GRM3: variants seen among roughly 807,000 people sequenced by gnomAD.
GRM3 encodes the protein glutamate metabotropic receptor 3.
GRM3 carries 26 observed loss-of-function variants against 70.5 expected under a neutral mutation model. The observed-to-expected ratio is 0.37, with a 90% confidence interval of 0.27 to 0.51. GRM3 has a LOEUF of 0.51. Among genes scored for constraint, GRM3 ranks in the 20% least tolerant of loss-of-function variants. The pLI is 0.93. For synonymous variants in GRM3, 443 were observed against 434.9 expected, an observed-to-expected ratio of 1.02 and a Z score of -0.23; for missense variants, 859 against 1,123.8, an observed-to-expected ratio of 0.76 and a Z score of 3.37.
chr7:86,690,029 C>T (rs1332212738), intron 1 of GRM3, among the ~76,000 whole-genome samples: 1 of 151,840 alleles, frequency 6.6e-6, no homozygotes, highest in Non-Finnish European at 1.5e-5. Context: ...CCAGCTTTGC[C>T]AGTGAAGTAA....
At chr7:86,734,660 C>G (rs1795814194) in intron 1 of GRM3, among the ~76,000 whole-genome samples, 1 of 152,216 alleles carries the variant, frequency 6.6e-6, no homozygotes, top group Non-Finnish European at 1.5e-5. Flanking sequence ...CCTTCACAGA[C>G]AAACATACAC....
intron 1 of GRM3, among the ~76,000 whole-genome samples, chr7:86,704,492 C>T (rs1302384964): frequency 6.6e-6 from 1 of 151,668 alleles, no homozygotes; most frequent in Non-Finnish European, 1.5e-5. Context: ...TTTGTAAGTC[C>T]CAAAATATAT....
At chr7:86,703,852 A>G (rs191110466) in intron 1 of GRM3, among the ~76,000 whole-genome samples, 59 of 152,046 alleles carry the variant, frequency 3.9e-4, no homozygotes, top group African/African-American at 1.4e-3. Flanking sequence ...GGTCCTCTCT[A>G]ATAAACCTGC....
chr7:86,745,618 G>A (rs1011699212), intron 1 of GRM3, among the ~76,000 whole-genome samples: 11 of 152,062 alleles, frequency 7.2e-5, no homozygotes, highest in African/African-American at 2.7e-4. Flanking sequence ...AAGAGCTTAG[G>A]AGAATAGGAA....
chr7:86,725,899 T>C (rs10952890), intron 1 of GRM3, among the ~76,000 whole-genome samples: 147,790 of 152,162 alleles, frequency 0.97, 71,801 homozygotes, highest in East Asian at 1. Context: ...AGGAGGGATC[T>C]GGTTTCTTTC....
rs541814405 is a variant in GRM3 at position 86,863,557 on chromosome 7, T to G, written c.2567-725T>G. Among the ~76,000 whole-genome samples, 3 of 152,292 alleles carry G rather than the reference T, an allele frequency of 2.0e-5. No individual in the cohort carries two copies. In the South Asian group the frequency reaches 6.2e-4, roughly 32 times the overall value. ...TCTTTTCTGAGACCCGTTATGAAAC[T>G]GAAGCTCTTAGCAACCCAGCCCTTA... is the stretch of plus-strand genomic sequence containing the variant. On this transcript the variant is annotated intron_variant, in intron 5 of 5. Coordinates refer to ENST00000361669, the MANE Select transcript of GRM3 (RefSeq NM_000840.3).
chr7:86,694,889 T>C (rs189825793), intron 1 of GRM3, among the ~76,000 whole-genome samples: 12 of 152,314 alleles, frequency 7.9e-5, no homozygotes, highest in African/African-American at 2.9e-4. Flanking sequence ...ACATATTATG[T>C]TGTTCACAGT....
At chr7:86,677,622 T>A (rs928129592) in intron 1 of GRM3, among the ~76,000 whole-genome samples, 1 of 152,016 alleles carries the variant, frequency 6.6e-6, no homozygotes, top group Non-Finnish European at 1.5e-5. Flanking sequence ...TAAAACTTAT[T>A]AGTTTCAATT....
chr7:86,676,382 C>G (rs7807067), intron 1 of GRM3, among the ~76,000 whole-genome samples: 6,357 of 151,682 alleles, frequency 0.042, 192 homozygotes, highest in Non-Finnish European at 0.058. Flanking sequence ...CCTATACTAA[C>G]AAAAAAATTA....
At chr7:86,792,179 A>G (rs1034738181) in intron 3 of GRM3, among the ~76,000 whole-genome samples, 3 of 152,350 alleles carry the variant, frequency 2.0e-5, no homozygotes, top group Non-Finnish European at 4.4e-5. Context: ...TCCTGAGACC[A>G]GTTCCAGAAA....
chr7:86,682,132 G>A lies in GRM3; in HGVS notation c.-141+37260G>A, dbSNP rs186498542. 1.7e-3 allele frequency among the ~76,000 whole-genome samples: 259 copies of A among 152,144 alleles called. 1 individual carries two copies. The highest frequency in any genetic ancestry group is 2.9e-3 in the Non-Finnish European group (194 of 67,996). ...AAAGCAGAGAGAAAATAACACCATCGGATTAAATAGACAGATGATAGACCG... is the reference window on the plus strand; with the variant it reads ...AAAGCAGAGAGAAAATAACACCATCAGATTAAATAGACAGATGATAGACCG... On this transcript the variant is annotated intron_variant, in intron 1 of 5. Coordinates refer to ENST00000361669, the MANE Select transcript of GRM3 (RefSeq NM_000840.3).
chr7:86,777,935 A>G (rs990449491), intron 2 of GRM3, among the ~76,000 whole-genome samples: 8 of 152,230 alleles, frequency 5.3e-5, no homozygotes, highest in African/African-American at 1.9e-4. Context: ...TTTTTATGTA[A>G]TAACCTGTGC....
intron 3 of GRM3, among the ~76,000 whole-genome samples, chr7:86,806,161 G>T (rs904422520): frequency 2.6e-5 from 4 of 152,076 alleles, no homozygotes; most frequent in Non-Finnish European, 5.9e-5. Flanking sequence ...ATGGACATTT[G>T]GGTTGGTTCC....
intron 1 of GRM3, among the ~76,000 whole-genome samples, chr7:86,699,846 TC>T (rs996923977): frequency 1.1e-4 from 16 of 152,036 alleles, no homozygotes; most frequent in African/African-American, 3.6e-4. Flanking sequence ...AAATAAAAGG[TC>T]ACACTTGTTA....
At position 86,850,943 on chromosome 7, in the gene GRM3, G is replaced by A. The variant is rs192118237; in HGVS notation, c.2566+399G>A. 2.0e-5 allele frequency among the ~76,000 whole-genome samples: 3 copies of A among 152,178 alleles called. No homozygotes were observed. The East Asian group carries it at 5.8e-4, about 29-fold the overall frequency. ...AAATAGGGGACTGGGCTAGATTGGT[G>A]TTTTATAAAATATATTATATGTCAC... On this transcript the variant is annotated intron_variant, in intron 5 of 5. Coordinates refer to ENST00000361669, the MANE Select transcript of GRM3 (RefSeq NM_000840.3).
At chr7:86,646,596 C>A (rs1401311742) in intron 1 of GRM3, among the ~76,000 whole-genome samples, 1 of 151,830 alleles carries the variant, frequency 6.6e-6, no homozygotes, top group Non-Finnish European at 1.5e-5. Context: ...ATTGAAACCC[C>A]TCCTGCCCCT....
In GRM3 at chr7:86,712,318, G is replaced by A. The variant is rs573926365; in HGVS notation, c.-140-52688G>A. On this transcript the variant is annotated intron_variant, in intron 1 of 5. Transcript: ENST00000361669. Reference sequence around the variant, plus strand: ...GTTCTCTTCCTAAAACTCCTTTAGCGTTATGTCACTTCATCACTCCTCTAT... The same window carrying A: ...GTTCTCTTCCTAAAACTCCTTTAGCATTATGTCACTTCATCACTCCTCTAT... Among the ~76,000 whole-genome samples the A allele has an allele frequency of 1.2e-3, 185 of 151,950 alleles. 3 individuals are homozygous for A. The highest frequency in any genetic ancestry group is 1.5e-4 in the Non-Finnish European group (10 of 67,932).
At position 86,644,740 on chromosome 7, in the gene GRM3, G is replaced by T. The variant is rs774526714; in HGVS notation, c.-273G>T. ...TAAGTTCTCCCTTGGATTTGGAAAGGACAAAGCCAGTAAGCTACCTCTTTT... is the reference window on the plus strand; with the variant it reads ...TAAGTTCTCCCTTGGATTTGGAAAGTACAAAGCCAGTAAGCTACCTCTTTT... On this transcript the variant is annotated 5_prime_UTR_variant, in exon 1 of 6. Coordinates refer to ENST00000361669, the MANE Select transcript of GRM3 (RefSeq NM_000840.3). 58 of 1,218,482 alleles carry T rather than the reference G, an allele frequency of 4.8e-5. 1 individual carries two copies. In the South Asian group the frequency reaches 7.3e-4, roughly 15 times the overall value. The allele number at this position is 1,218,482 out of a possible 1,614,324, so 75.5% of individuals were successfully genotyped here.
At chr7:86,864,186 C>A in intron 5 of GRM3, 96 bp from the exon 6 acceptor site, 2 of 726,894 alleles carry the variant, frequency 2.8e-6, no homozygotes, top group Non-Finnish European at 2.6e-6. Flanking sequence ...TCCCACCCTT[C>A]CCCCCGAGTC....
Sources: gnomAD v4.1 joint callset for allele counts (sites outside exome capture counted in the v4.1 genomes callset) on GRCh38, gnomAD v4.1.1 for gene constraint, MANE v1.5 for transcripts, NCBI Gene and HGNC (gene_info 2026-07-23, HGNC 2026-07-21) for gene names.